Variants in ATXN2 observed in about 807,000 individuals in gnomAD.
The protein encoded by ATXN2 is ataxin-2.
A neutral mutation model predicts 138.6 loss-of-function variants in ATXN2; 37 were observed. That is an observed-to-expected ratio of 0.27 (90% CI 0.21 to 0.35). The LOEUF is 0.35. ATXN2 is among the 10% of genes least tolerant of loss of function. The pLI, the probability that ATXN2 is intolerant of heterozygous loss-of-function variation, is 1.00. For synonymous variants in ATXN2, 549 were observed against 543.7 expected (o/e 1.01, Z -0.13); for missense variants, 1,216 against 1,480.3 (o/e 0.82, Z 2.93).
intron 14 of ATXN2, among the ~76,000 whole-genome samples, chr12:111,506,783 C>T (rs551206702): frequency 7.9e-5 from 12 of 152,300 alleles, no homozygotes; most frequent in African/African-American, 2.9e-4. Context: ...CCTGCCTCAG[C>T]CTGCCTAGTG....
chr12:111,486,455 A>C (rs917146666), intron 16 of ATXN2, among the ~76,000 whole-genome samples: 1 of 152,242 alleles, frequency 6.6e-6, no homozygotes, highest in African/African-American at 2.4e-5. Context: ...GGTTGAATCC[A>C]GTGATGCAAA....
intron 10 of ATXN2, among the ~76,000 whole-genome samples, chr12:111,515,628 T>G (rs1879809845): frequency 6.6e-6 from 1 of 152,242 alleles, no homozygotes; most frequent in South Asian, 2.1e-4. Flanking sequence ...AATTACTCAG[T>G]TAAATTTAGA....
At chr12:111,467,851 T>C (rs1440927185) in intron 20 of ATXN2, among the ~76,000 whole-genome samples, 2 of 152,176 alleles carry the variant, frequency 1.3e-5, no homozygotes, top group South Asian at 2.1e-4. Flanking sequence ...TCAAAACCAA[T>C]GAACATTCAT....
chr12:111,459,240 A>G (rs549932430), intron 21 of ATXN2, among the ~76,000 whole-genome samples: 1 of 152,230 alleles, frequency 6.6e-6, no homozygotes, highest in African/African-American at 2.4e-5. Flanking sequence ...CCTGAGCTTC[A>G]CAGTCCCATA....
intron 1 of ATXN2, among the ~76,000 whole-genome samples, chr12:111,572,684 A>G (rs1483656904): frequency 2.0e-5 from 3 of 150,590 alleles, no homozygotes; most frequent in Admixed American, 6.7e-5. Flanking sequence ...GAATTTGCCT[A>G]AAGTCACAGA....
At chr12:111,474,532 G>C (rs2135680174) in intron 18 of ATXN2, among the ~76,000 whole-genome samples, 1 of 152,272 alleles carries the variant, frequency 6.6e-6, no homozygotes, top group Non-Finnish European at 1.5e-5. Context: ...TTGAGACCAG[G>C]AATTCGCAGC....
intron 1 of ATXN2, among the ~76,000 whole-genome samples, chr12:111,588,188 A>AAAATAAATAAATAAATAAAT (rs34646187): frequency 4.6e-4 from 69 of 148,890 alleles, no homozygotes; most frequent in African/African-American, 1.7e-3. Flanking sequence ...TCCTATCACA[A>AAAATAAATAAATAAATAAAT]AAATAAATAA....
At chr12:111,534,058 G>A (rs973503076) in intron 5 of ATXN2, among the ~76,000 whole-genome samples, 1 of 151,642 alleles carries the variant, frequency 6.6e-6, no homozygotes, top group Non-Finnish European at 1.5e-5. Flanking sequence ...TGGGTCTAGT[G>A]AGTATAAAAA....
At chr12:111,456,353 G>A in intron 22 of ATXN2, 97 bp from the exon 23 acceptor site, 1 of 1,299,210 alleles carries the variant, frequency 7.7e-7, no homozygotes, top group East Asian at 2.3e-5. Context: ...TTGGGCCTAT[G>A]ATGAGGGTCA....
intron 14 of ATXN2, among the ~76,000 whole-genome samples, chr12:111,493,311 T>C (rs1878165540): frequency 6.7e-6 from 1 of 150,026 alleles, no homozygotes; most frequent in African/African-American, 2.5e-5. Context: ...TCCCAGCTAC[T>C]TGGGAGGCTG....
At chr12:111,495,062 T>C (rs958515181) in intron 14 of ATXN2, among the ~76,000 whole-genome samples, 2 of 152,102 alleles carry the variant, frequency 1.3e-5, no homozygotes, top group African/African-American at 4.8e-5. Flanking sequence ...TCCCAGGACT[T>C]TGGGAGGCCA....
intron 1 of ATXN2, chr12:111,597,730 G>C (rs572413248): frequency 7.4e-6 from 5 of 674,030 alleles, no homozygotes; most frequent in South Asian, 7.3e-5. Flanking sequence ...GAGGGAAAAA[G>C]ACGCTAGTAA....
chr12:111,581,042 A>G (rs1479655688), intron 1 of ATXN2, among the ~76,000 whole-genome samples: 2 of 151,342 alleles, frequency 1.3e-5, no homozygotes, highest in African/African-American at 4.9e-5. Context: ...GGAGGCTGAG[A>G]CAGGAATAGC....
intron 1 of ATXN2, among the ~76,000 whole-genome samples, chr12:111,560,065 C>T (rs1882598522): frequency 6.6e-6 from 1 of 152,018 alleles, no homozygotes; most frequent in South Asian, 2.1e-4. Flanking sequence ...AAATTTCAAA[C>T]ACTGATCTCA....
chr12:111,590,688 A>AAAAAAAAAACCAC (rs1555245620), intron 1 of ATXN2, among the ~76,000 whole-genome samples: 12 of 148,224 alleles, frequency 8.1e-5, no homozygotes, highest in African/African-American at 2.7e-4. Context: ...CATCTAATTA[A>AAAAAAAAAACCAC]AAAAAAAAAA....
At chr12:111,580,341 T>C (rs1051392554) in intron 1 of ATXN2, among the ~76,000 whole-genome samples, 1 of 151,400 alleles carries the variant, frequency 6.6e-6, no homozygotes, top group African/African-American at 2.4e-5. Flanking sequence ...AGAAAAGTAA[T>C]TAGCCGGACA....
intron 20 of ATXN2, among the ~76,000 whole-genome samples, chr12:111,467,958 A>G (rs1876137188): frequency 6.6e-6 from 1 of 152,260 alleles, no homozygotes; most frequent in South Asian, 2.1e-4. Context: ...TCTCAAAAGC[A>G]TGCATACACA....
intron 14 of ATXN2, among the ~76,000 whole-genome samples, chr12:111,493,115 G>C (rs776455694): frequency 6.6e-6 from 1 of 152,038 alleles, no homozygotes; most frequent in African/African-American, 2.4e-5. Flanking sequence ...TTGAATTCAG[G>C]CTATTTGAAA....
intron 1 of ATXN2, among the ~76,000 whole-genome samples, chr12:111,566,464 A>ATAC (rs1883013367): frequency 1.3e-5 from 2 of 151,776 alleles, no homozygotes; most frequent in Non-Finnish European, 2.9e-5. Flanking sequence ...AAAAAAAAGA[A>ATAC]ATACATTCTG....
Sources: gnomAD v4.1 joint callset for allele counts (sites outside exome capture counted in the v4.1 genomes callset) on GRCh38, gnomAD v4.1.1 for gene constraint, MANE v1.5 for transcripts, NCBI Gene and HGNC (gene_info 2026-07-23, HGNC 2026-07-21) for gene names.